Variants in ABCC10 observed in about 807,000 individuals in gnomAD.
ABCC10 encodes the protein ATP binding cassette subfamily C member 10, also known as ATP-binding cassette sub-family C member 10.
In ABCC10, 110 loss-of-function variants were observed where a neutral mutation model predicts 143.2. The ratio of observed to expected loss-of-function variants is 0.77; its 90% CI spans 0.66 to 0.90. The LOEUF (loss-of-function observed/expected upper bound fraction) is 0.90. Ranked by LOEUF, ABCC10 falls within the 40% of genes least tolerant of loss-of-function variation. The pLI is 0.00. For synonymous variants in ABCC10, 805 were observed against 846.7 expected, an observed-to-expected ratio of 0.95 and a Z score of 0.85; for missense variants, 1,700 against 1,900.5, an observed-to-expected ratio of 0.89 and a Z score of 1.96.
At chr6:43,436,356 T>A in intron 6 of ABCC10, 109 bp downstream of exon 6, 1 of 1,358,720 alleles carries the variant, frequency 7.4e-7, no homozygotes, top group Non-Finnish European at 1.0e-6. Context: ...TCTGCAGCTC[T>A]AATTGCTGCA....
chr6:43,432,836 C>G lies in ABCC10; in HGVS notation c.856C>G (p.Leu286Val). The G allele has an allele frequency of 6.2e-7, 1 of 1,614,178 alleles. No individual in the cohort carries two copies. The highest frequency in any genetic ancestry group is 8.5e-7 in the Non-Finnish European group (1 of 1,180,038). Residue 286 changes from leucine (L) to valine (V), a missense_variant, in exon 3 of 22, where the codon CTG becomes GTG. Physicochemically the swap from Leu to Val is conservative, Grantham distance 32 (BLOSUM62 1). Coordinates refer to ENST00000372530, the MANE Select transcript of ABCC10 (RefSeq NM_001198934.2). ...ALYGAFGRCY[L>V]ALGLLKLVGT... The stretch of plus-strand genomic sequence containing the variant: ...GTATGGGGCCTTTGGACGGTGCTAT[C>G]TGGCACTTGGACTGCTGAAGCTGGT...
At chr6:43,438,512 G>A in intron 7 of ABCC10, 112 bp from the exon 8 acceptor site, 1 of 1,480,872 alleles carries the variant, frequency 6.8e-7, no homozygotes, top group African/African-American at 1.4e-5. Flanking sequence ...GACATGAAGG[G>A]GGACCCTGTG....
In ABCC10 at chr6:43,445,816, G is replaced by A. The variant is rs753888991; in HGVS notation, c.3248G>A (p.Arg1083His). 1.9e-5 allele frequency: 31 copies of A among 1,613,970 alleles called. No homozygotes were observed. Among genetic ancestry groups the A allele is most frequent in the African/African-American group, 4.0e-5 (3 of 74,922 alleles). ...PLSIMYYHVQ[R>H]HYRASSRELR... Reference sequence around the variant, plus strand: ...AGCATCATGTACTATCACGTGCAGCGCCACTACAGGGCCTCCTCACGGGAG... The same window carrying A: ...AGCATCATGTACTATCACGTGCAGCACCACTACAGGGCCTCCTCACGGGAG... The change falls in exon 15 of 22, where the codon CGC becomes CAC. Residue 1083 changes from arginine (R) to histidine (H), a missense_variant. Transcript: ENST00000372530.
At chr6:43,444,042 C>G in intron 11 of ABCC10, 32 bp downstream of exon 11, 1 of 1,610,320 alleles carries the variant, frequency 6.2e-7, no homozygotes, top group Non-Finnish European at 8.5e-7. Context: ...AAAGGGCTTG[C>G]TTTTCCCTGC....
Position 43,428,144 on chromosome 6 carries a change from G to C in ABCC10, c.161+5G>C. ...CTGTTACTTGGGCACCCCGAGGTGG[G>C]TAGAGACGGGCGCAAGGCATCTGTC... On this transcript the variant is annotated splice_donor_5th_base_variant and intron_variant, in intron 2 of 21. Coordinates refer to ENST00000372530, the MANE Select transcript of ABCC10 (RefSeq NM_001198934.2). 2 of 1,524,588 alleles carry C rather than the reference G, an allele frequency of 1.3e-6. No homozygotes were observed. Among genetic ancestry groups the C allele is most frequent in the Non-Finnish European group, 1.8e-6 (2 of 1,136,738 alleles). The allele number at this position is 1,524,588 out of a possible 1,614,324, so 94.4% of individuals were successfully genotyped here. A position where few individuals can be genotyped will look rare whatever the true frequency, so the allele number is the denominator to read the frequency against.
In ABCC10 at chr6:43,432,928, G is replaced by T. The variant is rs769786378; in HGVS notation, c.948G>T (p.Gly316=). 2 of 1,614,172 alleles carry T rather than the reference G, an allele frequency of 1.2e-6. No homozygotes were observed. Among genetic ancestry groups the T allele is most frequent in the East Asian group, 2.2e-5 (1 of 44,888 alleles). Residue 316 remains glycine, a synonymous_variant, in exon 3 of 22, where the codon GGG becomes GGT. Coordinates refer to ENST00000372530, the MANE Select transcript of ABCC10 (RefSeq NM_001198934.2). ...TACTGGTGGGCTTCCTGGAAGAGGG[G>T]CAGGAGCCACTAAGCCACGGCCTGC... ...LSLLVGFLEE[G]QEPLSHGLLY...
chr6:43,449,580 T>C lies in ABCC10; in HGVS notation c.4316+46T>C, dbSNP rs778587327. The C allele has an allele frequency of 6.6e-6, 10 of 1,520,262 alleles. 1 individual carries two copies. In the South Asian group the frequency reaches 1.1e-4, roughly 16 times the overall value. 94.2% of individuals were successfully genotyped at this position (1,520,262 alleles called of 1,614,324 possible). On this transcript the variant is annotated intron_variant, in intron 21 of 21. Transcript: ENST00000372530. ...AGCCTAATCAGGGACTGTGGTAGCA[T>C]GCACCGAGAGCCTCCGTTGCTTTCA...
intron 2 of ABCC10, among the ~76,000 whole-genome samples, chr6:43,428,748 G>A (rs1780772763): frequency 6.6e-6 from 1 of 152,154 alleles, no homozygotes; most frequent in South Asian, 2.1e-4. Flanking sequence ...TCTCATTCTG[G>A]CTGCCGAGAA....
At position 43,434,659 on chromosome 6, in the gene ABCC10, G is replaced by A; in HGVS notation, c.1419G>A (p.Lys473=). 1 of 1,614,148 alleles carries A rather than the reference G, an allele frequency of 6.2e-7. No individual in the cohort carries two copies. The change falls in exon 4 of 22, where the codon AAG becomes AAA. Residue 473 remains lysine, a synonymous_variant. Transcript: ENST00000372530. ...TELLSGIRVI[K]FCGWEQALGA... is the part of the protein sequence containing the mutation. The stretch of plus-strand genomic sequence containing the variant: ...TGCTGAGTGGCATTCGGGTCATCAA[G>A]TTCTGCGGGTGGGAGCAGGCACTGG...
At chr6:43,446,803 C>T in intron 16 of ABCC10, 1 of 1,172,304 alleles carries the variant, frequency 8.5e-7, no homozygotes, top group Non-Finnish European at 1.1e-6. Context: ...GCCTCCTGTG[C>T]TCCTGGCTAG....
Position 43,443,109 on chromosome 6 carries a change from A to G in ABCC10, c.2366A>G (p.Glu789Gly), listed in dbSNP as rs764506403. ...LLCTHRTEYL[E>G]RADAVLLMEA... ...TGCACCCACCGCACTGAGTACCTGG[A>G]GAGGGCTGACGCGGTGCTGCTGATG... The change falls in exon 10 of 22, where the codon GAG becomes GGG. Residue 789 changes from glutamate to glycine, a missense_variant. Physicochemically the swap from Glu to Gly is moderately conservative, Grantham distance 98. Coordinates refer to ENST00000372530, the MANE Select transcript of ABCC10 (RefSeq NM_001198934.2). This position sits in a 1 kb window ranked among gnomAD's most constrained non-coding sequence, Gnocchi z 4.2. The G allele has an allele frequency of 1.2e-5, 19 of 1,611,196 alleles. No individual in the cohort carries two copies. In the Middle Eastern group the frequency reaches 9.9e-4, roughly 84 times the overall value.
At chr6:43,444,500 G>C in intron 12 of ABCC10, 147 bp downstream of exon 12, 1 of 1,153,494 alleles carries the variant, frequency 8.7e-7, no homozygotes, top group Non-Finnish European at 1.2e-6. Flanking sequence ...TCTGAGAGAT[G>C]CCCAGGGGCC....
Position 43,428,051 on chromosome 6 carries a change from A to C in ABCC10, c.73A>C (p.Thr25Pro), listed in dbSNP as rs776936133. The C allele has an allele frequency of 6.3e-7, 1 of 1,596,324 alleles. No homozygotes were observed. The highest frequency in any genetic ancestry group is 1.3e-5 in the African/African-American group (1 of 74,784). The change falls in exon 2 of 22, where the codon ACA (threonine) becomes CCA (proline). Residue 25 changes from threonine to proline, a missense_variant. By Grantham distance (38) the Thr-to-Pro change is conservative (BLOSUM62 -1). Coordinates refer to ENST00000372530, the MANE Select transcript of ABCC10 (RefSeq NM_001198934.2). ...WPLPLWEGDT[T>P]GHCFTQLVLS... is the part of the protein sequence containing the mutation. ...GCTCCCGCTGTGGGAGGGGGACACC[A>C]CAGGCCACTGCTTCACCCAGCTGGT...
At chr6:43,435,458 T>C (rs1294629968) in intron 4 of ABCC10, among the ~76,000 whole-genome samples, 2 of 151,892 alleles carry the variant, frequency 1.3e-5, no homozygotes, top group Non-Finnish European at 2.9e-5. Flanking sequence ...ACTTGAACCC[T>C]GGAGGTGGAA....
chr6:43,445,928 A>G lies in ABCC10; in HGVS notation c.3360A>G (p.Thr1120=). ...TLAGLSVLRA[T]GATYRFEEEN... ...CTGGCCTCTCTGTGCTCCGGGCCAC[A>G]GGGGCCACCTACAGGTGTGTGAACC... The change falls in exon 15 of 22, where the codon ACA becomes ACG. Residue 1120 remains threonine (T), a synonymous_variant. Coordinates refer to ENST00000372530, the MANE Select transcript of ABCC10 (RefSeq NM_001198934.2). The G allele has an allele frequency of 6.2e-7, 1 of 1,612,248 alleles. No homozygotes were observed. Among genetic ancestry groups the G allele is most frequent in the Middle Eastern group, 1.7e-4 (1 of 6,054 alleles).
Position 43,445,602 on chromosome 6 carries a change from C to T in ABCC10, c.3034C>T (p.Pro1012Ser). The change falls in exon 15 of 22, where the codon CCA becomes TCA. Residue 1012 changes from proline to serine, a missense_variant. Coordinates refer to ENST00000372530, the MANE Select transcript of ABCC10 (RefSeq NM_001198934.2). ...CCAATCAGCGTCCTTCTCCCAGGCA[C>T]CAGTGACTTTCTTCAATGCCACACC... is the stretch of plus-strand genomic sequence containing the variant. ...RRLLHRVLMA[P>S]VTFFNATPTG... 1.2e-6 allele frequency: 2 copies of T among 1,609,218 alleles called. No homozygotes were observed. Among genetic ancestry groups the T allele is most frequent in the Non-Finnish European group, 8.5e-7 (1 of 1,176,074 alleles).
Position 43,445,292 on chromosome 6 carries a change from G to T in ABCC10, c.3008G>T (p.Arg1003Leu). The change falls in exon 14 of 22, where the codon CGC becomes CTC. Residue 1003 changes from arginine to leucine, a missense_variant. Transcript: ENST00000372530. ...TLQAAATLHR[R>L]LLHRVLMAPV... ...CAAGCAGCTGCCACTCTGCATCGCC[G>T]CCTGCTGCATCGAGTCCTTATGGTG... 1 of 1,613,696 alleles carries T rather than the reference G, an allele frequency of 6.2e-7. No individual in the cohort carries two copies. Among genetic ancestry groups the T allele is most frequent in the Non-Finnish European group, 8.5e-7 (1 of 1,179,858 alleles).
Position 43,432,508 on chromosome 6 carries a change from C to T in ABCC10, c.528C>T (p.Ile176=), listed in dbSNP as rs763309416. 26 of 1,612,162 alleles carry T rather than the reference C, an allele frequency of 1.6e-5. No homozygotes were observed. Among genetic ancestry groups the T allele is most frequent in the Non-Finnish European group, 2.2e-5 (26 of 1,180,044 alleles). The part of the protein sequence containing the change: ...PGPMARLCLL[I]LQLAALLAYA... Reference sequence around the variant, plus strand: ...CCATGGCCCGCCTATGCTTGCTCATCCTGCAGCTGGCTGCACTCTTGGCCT... The same window carrying T: ...CCATGGCCCGCCTATGCTTGCTCATTCTGCAGCTGGCTGCACTCTTGGCCT... Residue 176 remains isoleucine, a synonymous_variant, in exon 3 of 22, where the codon ATC becomes ATT. Coordinates refer to ENST00000372530, the MANE Select transcript of ABCC10 (RefSeq NM_001198934.2).
At position 43,443,122 on chromosome 6, in the gene ABCC10, G is replaced by A. The variant is rs201247634; in HGVS notation, c.2379G>A (p.Ala793=). 6.6e-5 allele frequency: 106 copies of A among 1,608,804 alleles called. No homozygotes were observed. In the Middle Eastern group the frequency reaches 1.3e-3, roughly 20 times the overall value. Residue 793 remains alanine (A), a synonymous_variant, in exon 10 of 22, where the codon GCG becomes GCA. Transcript: ENST00000372530. The surrounding 1 kb of genome is among the most constrained non-coding windows in gnomAD (Gnocchi z 4.2). ...HRTEYLERAD[A]VLLMEAGRLI... is the part of the protein sequence containing the mutation. ...CTGAGTACCTGGAGAGGGCTGACGC[G>A]GTGCTGCTGATGGAGGCCGGGCGCC...
Sources: gnomAD v4.1 joint callset for allele counts (sites outside exome capture counted in the v4.1 genomes callset) on GRCh38, gnomAD v4.1.1 for gene constraint, Gnocchi (gnomAD v3.1) non-coding constraint, MANE v1.5 for transcripts, NCBI Gene and HGNC (gene_info 2026-07-23, HGNC 2026-07-21) for gene names.